RAB6D: variants seen among roughly 807,000 people sequenced by gnomAD.
RAB6D encodes ras-related protein Rab-6D.
In RAB6D, 11 loss-of-function variants were observed where a neutral mutation model predicts 17.5. The ratio of observed to expected loss-of-function variants is 0.63; its 90% CI spans 0.39 to 1.04. RAB6D has a LOEUF of 1.04. Among genes scored for constraint, RAB6D ranks in the 50% least tolerant of loss-of-function variants. The pLI is 0.00. For synonymous variants in RAB6D, 68 were observed against 122.6 expected (o/e 0.55, Z 2.94); for missense variants, 163 against 315.1 (o/e 0.52, Z 3.65).
Position 131,362,854 on chromosome 2 carries a change from A to G in RAB6D, c.*102T>C. On this transcript the variant is annotated 3_prime_UTR_variant, in exon 1 of 1. Coordinates refer to ENST00000623617, the MANE Select transcript of RAB6D (RefSeq NM_001077637.3). ...AAAAAAATGTTAAGAAAATGTATCT[A>G]ATTTTTAAAGTTATCACTGGAATAC... The G allele has an allele frequency of 6.7e-6, 10 of 1,482,126 alleles. No homozygotes were observed. The highest frequency in any genetic ancestry group is 9.0e-6 in the Non-Finnish European group (10 of 1,105,410). 91.8% of individuals were successfully genotyped at this position (1,482,126 alleles called of 1,614,324 possible). A position where few individuals can be genotyped will look rare whatever the true frequency, so the allele number is the denominator to read the frequency against.
At position 131,363,297 on chromosome 2, in the gene RAB6D, C is replaced by G. The variant is rs776404052; in HGVS notation, c.424G>C (p.Glu142Gln). 1.2e-6 allele frequency: 2 copies of G among 1,614,146 alleles called. No homozygotes were observed. Among genetic ancestry groups the G allele is most frequent in the Non-Finnish European group, 1.7e-6 (2 of 1,180,040 alleles). Residue 142 changes from glutamate (E) to glutamine (Q), a missense_variant, in exon 1 of 1, where the codon GAG becomes CAG. Physicochemically the swap from Glu to Gln is conservative, Grantham distance 29. Coordinates refer to ENST00000623617, the MANE Select transcript of RAB6D (RefSeq NM_001077637.3). ...ACATTCAGCCCTTTGGCTTTCCTCT[C>G]TCCCTCCTCAATTGACACTTGCCTC... The part of the protein sequence containing the change: ...DKRQVSIEEG[E>Q]RKAKGLNVTF...
rs1281123698 is a variant in RAB6D at position 131,362,331 on chromosome 2, T to C, written c.*625A>G. The stretch of plus-strand genomic sequence containing the variant: ...GTTCTGAAGCACTTGGTTAATTTTC[T>C]CTCCCAGAGTCTAATAAAGCACATG... On this transcript the variant is annotated 3_prime_UTR_variant, in exon 1 of 1. Coordinates refer to ENST00000623617, the MANE Select transcript of RAB6D (RefSeq NM_001077637.3). The C allele has an allele frequency of 6.0e-6, 1 of 167,320 alleles. No homozygotes were observed. The highest frequency in any genetic ancestry group is 1.9e-4 in the East Asian group (1 of 5,208). 10.4% of individuals were successfully genotyped at this position (167,320 alleles called of 1,614,324 possible). A position where few individuals can be genotyped will look rare whatever the true frequency, so the allele number is the denominator to read the frequency against.
chr2:131,363,045 T>C lies in RAB6D; in HGVS notation c.676A>G (p.Ile226Val). ...AAGCCAATATTCACACTGCAGTCAA[T>C]GAAAGAGTAAGGGGGCTTCTGAGGA... ...TLPQKPPYSF[I>V]DCSVNIGLNL... The change falls in exon 1 of 1, where the codon ATT becomes GTT. Residue 226 changes from isoleucine (I) to valine (V), a missense_variant. Ile to Val is a conservative substitution (Grantham distance 29). Coordinates refer to ENST00000623617, the MANE Select transcript of RAB6D (RefSeq NM_001077637.3). The C allele has an allele frequency of 6.3e-7, 1 of 1,599,506 alleles. No individual in the cohort carries two copies. The highest frequency in any genetic ancestry group is 8.5e-7 in the Non-Finnish European group (1 of 1,172,130).
At position 131,363,341 on chromosome 2, in the gene RAB6D, T is replaced by A; in HGVS notation, c.380A>T (p.Lys127Ile). 6.2e-7 allele frequency: 1 copy of A among 1,610,426 alleles called. No homozygotes were observed. The highest frequency in any genetic ancestry group is 1.1e-5 in the South Asian group (1 of 90,932). ...TTGCCTCTTGTCAGCAAGATCTGTT[T>A]TATTTCCTACTAGCGTGATGATAAC... ...SDVIITLVGNKTDLADKRQVS... is the reference protein window; with the variant it reads ...SDVIITLVGNITDLADKRQVS... Residue 127 changes from lysine (K) to isoleucine (I), a missense_variant, in exon 1 of 1, where the codon AAA (lysine) becomes ATA (isoleucine). Lys to Ile is a moderately radical substitution (Grantham distance 102). Coordinates refer to ENST00000623617, the MANE Select transcript of RAB6D (RefSeq NM_001077637.3).
chr2:131,363,172 T>G lies in RAB6D; in HGVS notation c.549A>C (p.Gly183=). The change falls in exon 1 of 1, where the codon GGA becomes GGC. Residue 183 remains glycine, a synonymous_variant. Transcript: ENST00000623617. Reference sequence around the variant, plus strand: ...TTATGTCACTCATGTCTTCTCTGCTTCCGTCCTGTGTGCTTTCCATTCCCG... The same window carrying G: ...TTATGTCACTCATGTCTTCTCTGCTGCCGTCCTGTGTGCTTTCCATTCCCG... The part of the protein sequence containing the change: ...ALPGMESTQD[G]SREDMSDIKL... 1.2e-6 allele frequency: 2 copies of G among 1,611,528 alleles called. No homozygotes were observed. The highest frequency in any genetic ancestry group is 1.7e-6 in the Non-Finnish European group (2 of 1,178,856).
Position 131,361,776 on chromosome 2 carries a change from A to G in RAB6D, c.*1180T>C, listed in dbSNP as rs1240416041. 2 of 167,108 alleles carry G rather than the reference A, an allele frequency of 1.2e-5. No homozygotes were observed. Among genetic ancestry groups the G allele is most frequent in the African/African-American group, 2.4e-5 (1 of 41,452 alleles). 10.4% of individuals were successfully genotyped at this position (167,108 alleles called of 1,614,324 possible). A position where few individuals can be genotyped will look rare whatever the true frequency, so the allele number is the denominator to read the frequency against. On this transcript the variant is annotated 3_prime_UTR_variant, in exon 1 of 1. Transcript: ENST00000623617. ...TAAAACTAAATCATTAGTTAATTAA[A>G]CTATACAGATCTCATACAAACGAAA...
In RAB6D at chr2:131,361,710, G is replaced by GC. The variant is rs1703426747; in HGVS notation, c.*1245_*1246insG. 6.1e-6 allele frequency: 1 copy of GC among 164,858 alleles called. No individual in the cohort carries two copies. Among genetic ancestry groups the GC allele is most frequent in the Admixed American group, 6.6e-5 (1 of 15,070 alleles). 10.2% of individuals were successfully genotyped at this position (164,858 alleles called of 1,614,324 possible). On this transcript the variant is annotated 3_prime_UTR_variant, in exon 1 of 1. Coordinates refer to ENST00000623617, the MANE Select transcript of RAB6D (RefSeq NM_001077637.3). ...TGAAAGTTGTTAAAAAAAAAGCAAAGAAATATCACCAAAGAAAAAAGATTA... is the reference window on the plus strand; with the variant it reads ...TGAAAGTTGTTAAAAAAAAAGCAAAGCAAATATCACCAAAGAAAAAAGATTA...
In RAB6D at chr2:131,363,481, G is replaced by T. The variant is rs1434277830; in HGVS notation, c.240C>A (p.Pro80=). 2 of 1,606,598 alleles carry T rather than the reference G, an allele frequency of 1.2e-6. No homozygotes were observed. The highest frequency in any genetic ancestry group is 2.2e-5 in the East Asian group (1 of 44,594). ...AGQERLRSLI[P]RYIRDSAAAV... ...CTGCAGCAGAATCACGGATGTACCT[G>T]GGAATGAGGCTACGGAGACGTTCCT... Residue 80 remains proline, a synonymous_variant, in exon 1 of 1, where the codon CCC becomes CCA. Transcript: ENST00000623617.
rs971378079 is a variant in RAB6D at position 131,363,860 on chromosome 2, G to T, written c.-140C>A. The T allele has an allele frequency of 2.5e-4, 332 of 1,318,262 alleles. No homozygotes were observed. The highest frequency in any genetic ancestry group is 3.0e-4 in the Non-Finnish European group (293 of 971,784). The allele number at this position is 1,318,262 out of a possible 1,614,324, so 81.7% of individuals were successfully genotyped here. A position where few individuals can be genotyped will look rare whatever the true frequency, so the allele number is the denominator to read the frequency against. ...CCTGCAAGGGCCGGTGGAGGAGCCC[G>T]GCTGGAGGGCAGCAGGACTCTCCAC... On this transcript the variant is annotated 5_prime_UTR_variant, in exon 1 of 1. Transcript: ENST00000623617.
rs540232454 is a variant in RAB6D at position 131,362,762 on chromosome 2, C to T, written c.*194G>A. 4.8e-4 allele frequency: 286 copies of T among 591,844 alleles called. 3 individuals carry two copies. In the East Asian group the frequency reaches 8.2e-3, roughly 17 times the overall value. 36.7% of individuals were successfully genotyped at this position (591,844 alleles called of 1,614,324 possible). ...AGGCTGTGAACATACTGCTCGTTAA[C>T]CAAGCCATACTCATACTGTTGAGAT... is the stretch of plus-strand genomic sequence containing the variant. On this transcript the variant is annotated 3_prime_UTR_variant, in exon 1 of 1. Transcript: ENST00000623617.
rs765890129 is a variant in RAB6D, at chr2:131,363,075, T to C, written c.646A>G (p.Thr216Ala). 4 of 1,607,100 alleles carry C rather than the reference T, an allele frequency of 2.5e-6. No homozygotes were observed. The highest frequency in any genetic ancestry group is 3.4e-6 in the Non-Finnish European group (4 of 1,175,172). ...GAGTAAGGGGGCTTCTGAGGAAGGGTTGAAGATGACATGGGAGAGTAGCAG... is the reference window on the plus strand; with the variant it reads ...GAGTAAGGGGGCTTCTGAGGAAGGGCTGAAGATGACATGGGAGAGTAGCAG... ...CSCYSPMSSS[T>A]LPQKPPYSFI... Residue 216 changes from threonine to alanine, a missense_variant, in exon 1 of 1, where the codon ACC becomes GCC. Thr to Ala is a moderately conservative substitution (Grantham distance 58). This residue lies in a region of RAB6D where 144 missense variants were observed against 244.4 expected (regional missense o/e 0.59). Transcript: ENST00000623617.
Position 131,362,923 on chromosome 2 carries a change from G to A in RAB6D, c.*33C>T. 1 of 1,487,296 alleles carries A rather than the reference G, an allele frequency of 6.7e-7. No homozygotes were observed. Among genetic ancestry groups the A allele is most frequent in the Non-Finnish European group, 9.0e-7 (1 of 1,116,676 alleles). The allele number at this position is 1,487,296 out of a possible 1,614,324, so 92.1% of individuals were successfully genotyped here. ...TTTGTAAAATATAAATAATGAAGAC[G>A]CTGACTTTTTTTGTGCTTGTCAAGC... is the stretch of plus-strand genomic sequence containing the variant. On this transcript the variant is annotated 3_prime_UTR_variant, in exon 1 of 1. Transcript: ENST00000623617.
Position 131,363,367 on chromosome 2 carries a change from A to G in RAB6D, c.354T>C (p.Asp118=), listed in dbSNP as rs1189566394. 1.9e-6 allele frequency: 3 copies of G among 1,613,970 alleles called. No homozygotes were observed. The African/African-American group carries it at 4.0e-5, about 22-fold the overall frequency. ...TATTTCCTACTAGCGTGATGATAAC[A>G]TCACTTCCTCCTTCTGTTCTGACAT... ...IDDVRTEGGS[D]VIITLVGNKT... Residue 118 remains aspartate, a synonymous_variant, in exon 1 of 1, where the codon GAT becomes GAC. Transcript: ENST00000623617.
At position 131,361,805 on chromosome 2, in the gene RAB6D, A is replaced by G. The variant is rs955867660; in HGVS notation, c.*1151T>C. The G allele has an allele frequency of 1.2e-5, 2 of 167,110 alleles. No individual in the cohort carries two copies. The highest frequency in any genetic ancestry group is 4.8e-5 in the African/African-American group (2 of 41,458). The allele number at this position is 167,110 out of a possible 1,614,324, so 10.4% of individuals were successfully genotyped here. ...TACAGATCTCATACAAACGAAAACC[A>G]GCCTGAAAGACCCAACCTTAAAAAA... On this transcript the variant is annotated 3_prime_UTR_variant, in exon 1 of 1. Transcript: ENST00000623617.
rs1359654142 is a variant in RAB6D, at chr2:131,361,666, C to T, written c.*1290G>A. 1 of 162,752 alleles carries T rather than the reference C, an allele frequency of 6.1e-6. No individual in the cohort carries two copies. The highest frequency in any genetic ancestry group is 2.0e-4 in the East Asian group (1 of 4,984). 10.1% of individuals were successfully genotyped at this position (162,752 alleles called of 1,614,324 possible). ...GCCATGGTGAAGCTCTAAATAGATTCAACGAAACATCTAAAAATTGAAAGT... is the reference window on the plus strand; with the variant it reads ...GCCATGGTGAAGCTCTAAATAGATTTAACGAAACATCTAAAAATTGAAAGT... On this transcript the variant is annotated 3_prime_UTR_variant, in exon 1 of 1. Coordinates refer to ENST00000623617, the MANE Select transcript of RAB6D (RefSeq NM_001077637.3).
In RAB6D at chr2:131,363,126, G is replaced by A. The variant is rs371826107; in HGVS notation, c.595C>T (p.Gln199Ter). The part of the protein sequence containing the change: ...SDIKLEKPQE[Q>*]TVSEGGCSCY... ...GAACAACCCCCTTCGCTGACTGTTTGCTCCTGAGGCTTTTCCAGTTTTATG... is the reference window on the plus strand; with the variant it reads ...GAACAACCCCCTTCGCTGACTGTTTACTCCTGAGGCTTTTCCAGTTTTATG... The change falls in exon 1 of 1, where the codon CAA (glutamine) becomes TAA (stop). Residue 199 changes from glutamine (Q) to a stop codon, truncating the protein, a stop_gained. Coordinates refer to ENST00000623617, the MANE Select transcript of RAB6D (RefSeq NM_001077637.3). LOFTEE classifies it high-confidence loss of function. 7.0e-5 allele frequency: 113 copies of A among 1,606,712 alleles called. No homozygotes were observed. The African/African-American group carries it at 1.4e-3, about 20-fold the overall frequency.
Position 131,360,754 on chromosome 2 carries a change from G to A in RAB6D, c.*2202C>T. Among the ~76,000 whole-genome samples, 1 of 152,096 alleles carries A rather than the reference G, an allele frequency of 6.6e-6. No homozygotes were observed. Among genetic ancestry groups the A allele is most frequent in the Admixed American group, 6.5e-5 (1 of 15,276 alleles). ...AATCAGGGAAATGCTATTAAACATA[G>A]CATAGCATTGTGTGTGTGGATGTGT... On this transcript the variant is annotated 3_prime_UTR_variant, in exon 1 of 1. Transcript: ENST00000623617.
rs544353362 is a variant in RAB6D, at chr2:131,362,922, C to G, written c.*34G>C. On this transcript the variant is annotated 3_prime_UTR_variant, in exon 1 of 1. Transcript: ENST00000623617. Reference sequence around the variant, plus strand: ...TTTTGTAAAATATAAATAATGAAGACGCTGACTTTTTTTGTGCTTGTCAAG... The same window carrying G: ...TTTTGTAAAATATAAATAATGAAGAGGCTGACTTTTTTTGTGCTTGTCAAG... 2.7e-6 allele frequency: 4 copies of G among 1,488,408 alleles called. No homozygotes were observed. The South Asian group carries it at 3.7e-5, about 14-fold the overall frequency. 92.2% of individuals were successfully genotyped at this position (1,488,408 alleles called of 1,614,324 possible).
chr2:131,363,841 A>G lies in RAB6D; in HGVS notation c.-121T>C, dbSNP rs1703463566. 53 of 1,218,520 alleles carry G rather than the reference A, an allele frequency of 4.3e-5. 1 individual carries two copies. In the South Asian group the frequency reaches 7.6e-4, roughly 17 times the overall value. 75.5% of individuals were successfully genotyped at this position (1,218,520 alleles called of 1,614,324 possible). Reference sequence around the variant, plus strand: ...GCGCCGAGCTCTCTGCGCCCCTGCAAGGGCCGGTGGAGGAGCCCGGCTGGA... The same window carrying G: ...GCGCCGAGCTCTCTGCGCCCCTGCAGGGGCCGGTGGAGGAGCCCGGCTGGA... On this transcript the variant is annotated 5_prime_UTR_variant, in exon 1 of 1. Transcript: ENST00000623617.
Sources: allele counts gnomAD v4.1 joint callset (sites outside exome capture counted in the v4.1 genomes callset), GRCh38; gene constraint gnomAD v4.1.1; regional missense constraint gnomAD v4.1.1; transcripts MANE v1.5; gene names NCBI Gene and HGNC (gene_info 2026-07-23, HGNC 2026-07-21).